The following ZNF503 variants were observed in gnomAD, a reference collection of about 807,000 sequenced individuals.
The protein encoded by ZNF503 is NocA-like zinc finger 2.
ZNF503 carries 15 observed loss-of-function variants against 34.4 expected under a neutral mutation model. The ratio of observed to expected loss-of-function variants is 0.44; its 90% CI spans 0.29 to 0.67. ZNF503 has a LOEUF of 0.67. ZNF503 is among the 30% of genes least tolerant of loss of function. The probability of loss-of-function intolerance (pLI) is 0.13; values close to 1 mark genes in which losing one functional copy is unlikely to be tolerated. For missense variants in ZNF503, 1,007 were observed against 926.8 expected (o/e 1.09, Z -1.12); for synonymous variants, 580 against 456.8 (o/e 1.27, Z -3.44).
At chr10:75,343,184 G>T in the ZNF503 span, 1 of 152,240 alleles carries the variant, frequency 6.6e-6, no homozygotes, top group Non-Finnish European at 1.5e-5. Flanking sequence ...AATGTATCCT[G>T]TTATCTGTTG....
the ZNF503 span, among the ~76,000 whole-genome samples, chr10:75,345,071 G>A: frequency 6.6e-6 from 1 of 152,206 alleles, no homozygotes; most frequent in Non-Finnish European, 1.5e-5. Flanking sequence ...AGATTTTCTG[G>A]CAGATAAACA....
chr10:75,401,556 G>A lies in ZNF503; in HGVS notation c.-137C>T. 9.3e-7 allele frequency: 1 copy of A among 1,080,888 alleles called. No individual in the cohort carries two copies. The highest frequency in any genetic ancestry group is 1.3e-6 in the Non-Finnish European group (1 of 763,682). The allele number at this position is 1,080,888 out of a possible 1,614,324, so 67.0% of individuals were successfully genotyped here. A position where few individuals can be genotyped will look rare whatever the true frequency, so the allele number is the denominator to read the frequency against. ...GGCGCGGCGGCCACGGGCGCCCAGC[G>A]CGCCTTCTCGGCGCCTGGAGCCAGA... On this transcript the variant is annotated 5_prime_UTR_variant, in exon 1 of 2. Coordinates refer to ENST00000372524, the MANE Select transcript of ZNF503 (RefSeq NM_032772.6).
At chr10:75,357,410 C>G in the ZNF503 span, among the ~76,000 whole-genome samples, 2 of 151,612 alleles carry the variant, frequency 1.3e-5, no homozygotes, top group Non-Finnish European at 2.9e-5. Context: ...CCCAGCTACT[C>G]GGGAGGTTGA....
chr10:75,329,111 A>C, the ZNF503 span, among the ~76,000 whole-genome samples: 1 of 152,098 alleles, frequency 6.6e-6, no homozygotes, highest in Non-Finnish European at 1.5e-5. Context: ...AAAAGATCAT[A>C]GAGATCTTTT....
At position 75,401,161 on chromosome 10, in the gene ZNF503, T is replaced by C. The variant is rs1470128601; in HGVS notation, c.259A>G (p.Ile87Val). The change falls in exon 1 of 2, where the codon ATT becomes GTT. Residue 87 changes from isoleucine to valine, a missense_variant. Coordinates refer to ENST00000372524, the MANE Select transcript of ZNF503 (RefSeq NM_032772.6). ...GGCTGCAGGTACTCGGGGTGCAAAA[T>C]GTGGCCAGTTCGTGCCGTCAGCATC... The part of the protein sequence containing the change: ...LKMLTARTGH[I>V]LHPEYLQPLP... 6.2e-7 allele frequency: 1 copy of C among 1,611,860 alleles called. No homozygotes were observed. The highest frequency in any genetic ancestry group is 1.7e-5 in the Admixed American group (1 of 59,778).
At chr10:75,397,749 AAGG>A (rs1418851219), downstream of ZNF503, 1 of 152,482 alleles carries the variant, frequency 6.6e-6, no homozygotes, top group Admixed American at 6.5e-5. Context: ...TCCCGGGAAG[AAGG>A]AGTAGCAGTG....
At chr10:75,327,078 T>A in the ZNF503 span, among the ~76,000 whole-genome samples, 1 of 152,220 alleles carries the variant, frequency 6.6e-6, no homozygotes, top group Admixed American at 6.5e-5. Context: ...TTTCTTTGTG[T>A]TAGGAACATT....
the ZNF503 span, among the ~76,000 whole-genome samples, chr10:75,292,300 T>G: frequency 6.6e-6 from 1 of 152,228 alleles, no homozygotes; most frequent in Non-Finnish European, 1.5e-5. Flanking sequence ...CTGAGGGCTC[T>G]CTTTCATTGC....
chr10:75,334,245 C>CG, the ZNF503 span, among the ~76,000 whole-genome samples: 2 of 152,146 alleles, frequency 1.3e-5, no homozygotes, highest in African/African-American at 2.4e-5. Flanking sequence ...CGCTGCCTCC[C>CG]GGGCGGCCTA....
the ZNF503 span, among the ~76,000 whole-genome samples, chr10:75,349,149 C>T: frequency 1.3e-5 from 2 of 152,210 alleles, no homozygotes; most frequent in African/African-American, 4.8e-5. Context: ...TACAATGTAA[C>T]ATAAGTTTAT....
At chr10:75,298,551 A>G in the ZNF503 span, among the ~76,000 whole-genome samples, 1 of 152,204 alleles carries the variant, frequency 6.6e-6, no homozygotes, top group African/African-American at 2.4e-5. Context: ...ATGGCCAAAT[A>G]ATATTCCATT....
chr10:75,387,021 G>T, the ZNF503 span, among the ~76,000 whole-genome samples: 1 of 152,270 alleles, frequency 6.6e-6, no homozygotes. Context: ...CCACGCCTAA[G>T]ATAATGCTGT....
At chr10:75,347,959 C>T in the ZNF503 span, among the ~76,000 whole-genome samples, 1 of 152,236 alleles carries the variant, frequency 6.6e-6, no homozygotes, top group South Asian at 2.1e-4. Flanking sequence ...TCTCGGCTCA[C>T]TGCAACCTCC....
At chr10:75,365,889 T>C in the ZNF503 span, among the ~76,000 whole-genome samples, 21 of 152,292 alleles carry the variant, frequency 1.4e-4, no homozygotes, top group African/African-American at 5.1e-4. Context: ...GATTAACCAA[T>C]GAAGGGTGGC....
chr10:75,363,706 T>G, the ZNF503 span, among the ~76,000 whole-genome samples: 1 of 152,258 alleles, frequency 6.6e-6, no homozygotes, highest in African/African-American at 2.4e-5. Context: ...GTCCTAAGTT[T>G]GACAGTCATC....
chr10:75,319,113 C>T, the ZNF503 span, among the ~76,000 whole-genome samples: 1 of 152,124 alleles, frequency 6.6e-6, no homozygotes, highest in Non-Finnish European at 1.5e-5. Flanking sequence ...GTGTGCACTG[C>T]CATGCCTGAC....
At chr10:75,384,522 G>A in the ZNF503 span, among the ~76,000 whole-genome samples, 1 of 152,104 alleles carries the variant, frequency 6.6e-6, no homozygotes, top group Non-Finnish European at 1.5e-5. Context: ...GATAGGTCAA[G>A]TAGCAGTCTT....
chr10:75,350,805 C>T, the ZNF503 span, among the ~76,000 whole-genome samples: 1 of 152,212 alleles, frequency 6.6e-6, no homozygotes, highest in Non-Finnish European at 1.5e-5. Context: ...CCTCCCGCCT[C>T]AGCTTCCCAA....
the ZNF503 span, among the ~76,000 whole-genome samples, chr10:75,293,471 A>T: frequency 6.6e-6 from 1 of 152,138 alleles, no homozygotes; most frequent in Non-Finnish European, 1.5e-5. Flanking sequence ...TTCACACCTG[A>T]GCTGGCCCTG....
Sources: gnomAD v4.1 joint callset for allele counts (sites outside exome capture counted in the v4.1 genomes callset) on GRCh38, gnomAD v4.1.1 for gene constraint, MANE v1.5 for transcripts, NCBI Gene and HGNC (gene_info 2026-07-23, HGNC 2026-07-21) for gene names.